LSAMP: variants seen among roughly 807,000 people sequenced by gnomAD.
LSAMP encodes limbic system-associated membrane protein.
Under a neutral mutation model 38.6 loss-of-function variants are expected in LSAMP, and 7 were observed. The ratio of observed to expected loss-of-function variants is 0.18; its 90% CI spans 0.10 to 0.34. The LOEUF is 0.34. LSAMP is among the 10% of genes least tolerant of loss of function. The pLI is 1.00. For missense variants in LSAMP, 313 were observed against 420.0 expected, an observed-to-expected ratio of 0.75 and a Z score of 2.23; for synonymous variants, 154 against 166.8, an observed-to-expected ratio of 0.92 and a Z score of 0.59.
chr3:116,439,742 G>A (rs2049407417), intron 1 of LSAMP, among the ~76,000 whole-genome samples: 1 of 152,118 alleles, frequency 6.6e-6, no homozygotes, highest in Non-Finnish European at 1.5e-5. Context: ...ATTTATTTTT[G>A]AGACGGAGTC....
At chr3:116,003,671 T>C (rs1047844821) in intron 3 of LSAMP, among the ~76,000 whole-genome samples, 7 of 151,990 alleles carry the variant, frequency 4.6e-5, no homozygotes, top group African/African-American at 1.7e-4. Flanking sequence ...AATCCAATGA[T>C]GTTAATAAGA....
At chr3:116,298,641 C>G (rs775884213) in intron 1 of LSAMP, among the ~76,000 whole-genome samples, 3 of 152,182 alleles carry the variant, frequency 2.0e-5, no homozygotes, top group Non-Finnish European at 4.4e-5. Context: ...GTTTCCTTAT[C>G]TATCAAAGTA....
In LSAMP at chr3:116,202,561, C is replaced by T. The variant is rs113928912; in HGVS notation, c.156-116005G>A. 4.3e-3 allele frequency among the ~76,000 whole-genome samples: 660 copies of T among 152,202 alleles called. 7 individuals carry two copies. The highest frequency in any genetic ancestry group is 0.015 in the African/African-American group (622 of 41,518). The stretch of plus-strand genomic sequence containing the variant: ...CCAGGCTCGAATTATTGTTCCATCT[C>T]AGCCTCCCAAGTAGCTAGGACTACA... On this transcript the variant is annotated intron_variant, in intron 1 of 6. Transcript: ENST00000490035.
In LSAMP at chr3:116,177,519, TG is replaced by T. The variant is rs370214120; in HGVS notation, c.156-90964del. Among the ~76,000 whole-genome samples, 205 of 152,266 alleles carry T rather than the reference TG, an allele frequency of 1.3e-3. 1 individual carries two copies. Among genetic ancestry groups the T allele is most frequent in the African/African-American group, 4.7e-3 (195 of 41,548 alleles). ...ACAATGTAGCCACAGATGTGATATA[TG>T]CATTTTACAATGTGAAATGCCACAT... On this transcript the variant is annotated intron_variant, in intron 1 of 6. Coordinates refer to ENST00000490035, the MANE Select transcript of LSAMP (RefSeq NM_002338.5).
chr3:116,180,782 A>T (rs1207204785), intron 1 of LSAMP, among the ~76,000 whole-genome samples: 1 of 152,108 alleles, frequency 6.6e-6, no homozygotes, highest in Non-Finnish European at 1.5e-5. Context: ...ATTACTACAA[A>T]ATTTTTCTAA....
At chr3:115,825,065 G>A (rs1934365084) in intron 6 of LSAMP, among the ~76,000 whole-genome samples, 1 of 152,034 alleles carries the variant, frequency 6.6e-6, no homozygotes, top group Admixed American at 6.5e-5. Context: ...TTTTCATTTT[G>A]TATGTTTTAA....
intron 1 of LSAMP, among the ~76,000 whole-genome samples, chr3:116,399,507 C>T (rs933686081): frequency 2.6e-5 from 4 of 152,078 alleles, no homozygotes; most frequent in South Asian, 4.1e-4. Flanking sequence ...AAGAGAGGAA[C>T]GGTGATGCTG....
At chr3:116,033,252 G>T (rs1446296313) in intron 2 of LSAMP, among the ~76,000 whole-genome samples, 1 of 152,030 alleles carries the variant, frequency 6.6e-6, no homozygotes, top group Non-Finnish European at 1.5e-5. Flanking sequence ...CTCAAGAAGG[G>T]GGGCATGGCG....
chr3:116,124,554 T>G (rs1708961046), intron 1 of LSAMP, among the ~76,000 whole-genome samples: 1 of 152,206 alleles, frequency 6.6e-6, no homozygotes, highest in Admixed American at 6.5e-5. Context: ...TTGAAAACAT[T>G]TTAAAGACTG....
intron 1 of LSAMP, among the ~76,000 whole-genome samples, chr3:116,122,864 A>G (rs985497447): frequency 1.3e-5 from 2 of 152,208 alleles, no homozygotes; most frequent in Non-Finnish European, 2.9e-5. Context: ...ACACTGGGTC[A>G]AGAGCTATGG....
At chr3:115,902,483 CA>C (rs1334753254) in intron 3 of LSAMP, among the ~76,000 whole-genome samples, 4 of 145,232 alleles carry the variant, frequency 2.8e-5, no homozygotes, top group African/African-American at 7.9e-5. Flanking sequence ...GCAGCAAAAG[CA>C]AAAGTTGACA....
At chr3:116,027,225 C>A (rs1353621209) in intron 2 of LSAMP, among the ~76,000 whole-genome samples, 1 of 152,066 alleles carries the variant, frequency 6.6e-6, no homozygotes, top group African/African-American at 2.4e-5. Context: ...CCCACTTGTG[C>A]AAAATAAAGA....
chr3:116,417,095 T>C (rs1228229329), intron 1 of LSAMP, among the ~76,000 whole-genome samples: 2 of 152,190 alleles, frequency 1.3e-5, no homozygotes, highest in African/African-American at 4.8e-5. Flanking sequence ...CTCCCACATT[T>C]TTCTCCATCA....
chr3:116,207,649 C>T (rs532893214), intron 1 of LSAMP, among the ~76,000 whole-genome samples: 2 of 151,938 alleles, frequency 1.3e-5, no homozygotes, highest in East Asian at 3.9e-4. Flanking sequence ...GATTTTATTT[C>T]TCCTTCACTT....
At chr3:116,039,947 G>C (rs1941130901) in intron 2 of LSAMP, among the ~76,000 whole-genome samples, 1 of 151,984 alleles carries the variant, frequency 6.6e-6, no homozygotes, top group Non-Finnish European at 1.5e-5. Context: ...GTCTCATCTT[G>C]AGTCCCCACG....
At chr3:116,207,214 C>T (rs1352518637) in intron 1 of LSAMP, among the ~76,000 whole-genome samples, 1 of 151,806 alleles carries the variant, frequency 6.6e-6, no homozygotes, top group South Asian at 2.1e-4. Context: ...TTATCAGAGA[C>T]TAGGATTGCA....
intron 1 of LSAMP, among the ~76,000 whole-genome samples, chr3:116,300,483 G>T (rs766713475): frequency 1.3e-5 from 2 of 152,278 alleles, no homozygotes; most frequent in South Asian, 4.1e-4. Flanking sequence ...GCCCCATACT[G>T]GTCTGTGCCC....
intron 2 of LSAMP, among the ~76,000 whole-genome samples, chr3:116,042,036 C>T (rs1375240979): frequency 6.6e-6 from 1 of 152,144 alleles, no homozygotes; most frequent in Non-Finnish European, 1.5e-5. Flanking sequence ...ATATATTATA[C>T]AATTCACTTA....
chr3:115,887,771 A>G (rs115975059), intron 3 of LSAMP, among the ~76,000 whole-genome samples: 1 of 151,976 alleles, frequency 6.6e-6, no homozygotes, highest in African/African-American at 2.4e-5. Flanking sequence ...TGGGAAGAAA[A>G]TAGGTAGAAA....
Sources: gnomAD v4.1 joint callset for allele counts (sites outside exome capture counted in the v4.1 genomes callset) on GRCh38, gnomAD v4.1.1 for gene constraint, MANE v1.5 for transcripts, NCBI Gene and HGNC (gene_info 2026-07-23, HGNC 2026-07-21) for gene names.